The following SLC9C2 variants were observed in gnomAD, a reference collection of about 807,000 sequenced individuals.
The protein encoded by SLC9C2 is solute carrier family 9 member C2 (putative), also known as sodium/hydrogen exchanger 11.
SLC9C2 carries 75 observed loss-of-function variants against 140.2 expected under a neutral mutation model. The observed-to-expected ratio is 0.53, with a 90% CI of 0.44 to 0.65. The LOEUF is 0.65. Ranked by LOEUF, SLC9C2 falls within the 30% of genes least tolerant of loss-of-function variation. SLC9C2 has a pLI of 0.00. For missense variants in SLC9C2, 1,074 were observed against 1,331.8 expected (o/e 0.81, Z 3.01); for synonymous variants, 375 against 420.9 (o/e 0.89, Z 1.34).
intron 10 of SLC9C2, among the ~76,000 whole-genome samples, chr1:173,556,894 C>T (rs1006239889): frequency 6.7e-6 from 1 of 150,328 alleles, no homozygotes; most frequent in African/African-American, 2.5e-5. Context: ...CACCACTGCA[C>T]TCCAGCCTGG....
Position 173,597,983 on chromosome 1 carries a change from T to A in SLC9C2, c.278A>T (p.Tyr93Phe). The change falls in exon 4 of 28, where the codon TAT (tyrosine) becomes TTT (phenylalanine). Residue 93 changes from tyrosine to phenylalanine, a missense_variant. Physicochemically the swap from Tyr to Phe is conservative, Grantham distance 22. Coordinates refer to ENST00000367714, the MANE Select transcript of SLC9C2 (RefSeq NM_178527.4). ...TATAATTAAAGGTGAAAAGTAAGAA[T>A]AAAGTGAAAAACTTGATGTTCTTAG... ...PLLRTSSFSL[Y>F]SYFSPLIIFM... 6.3e-7 allele frequency: 1 copy of A among 1,598,586 alleles called. No homozygotes were observed. The highest frequency in any genetic ancestry group is 1.3e-5 in the African/African-American group (1 of 74,266).
chr1:173,557,602 A>T, intron 9 of SLC9C2, 94 bp from the exon 10 acceptor site: 1 of 1,225,426 alleles, frequency 8.2e-7, no homozygotes, highest in East Asian at 2.6e-5. Flanking sequence ...TTTAATATAA[A>T]AATTTTCGGG....
chr1:173,521,296 C>T lies in SLC9C2; in HGVS notation c.2739+5G>A. On this transcript the variant is annotated splice_donor_5th_base_variant and intron_variant, in intron 22 of 27. Transcript: ENST00000367714. ...AAAAAAAAAAAAAAATCAATAGTCC[C>T]TTACAATTGCCATTCCTGAAATAAT... 1 of 1,460,580 alleles carries T rather than the reference C, an allele frequency of 6.8e-7. No homozygotes were observed. The highest frequency in any genetic ancestry group is 9.2e-7 in the Non-Finnish European group (1 of 1,088,784). 90.5% of individuals were successfully genotyped at this position (1,460,580 alleles called of 1,614,324 possible).
intron 26 of SLC9C2, among the ~76,000 whole-genome samples, chr1:173,503,801 TAAAC>T (rs1659444761): frequency 6.6e-6 from 1 of 152,170 alleles, no homozygotes; most frequent in Non-Finnish European, 1.5e-5. Flanking sequence ...AAGTGACTCT[TAAAC>T]AAATTAAGAG....
intron 11 of SLC9C2, among the ~76,000 whole-genome samples, chr1:173,552,255 G>A (rs1308234942): frequency 6.6e-6 from 1 of 152,208 alleles, no homozygotes; most frequent in African/African-American, 2.4e-5. Flanking sequence ...ACATAAAAGT[G>A]CAAAGTGAAG....
rs370217958 is a variant in SLC9C2, at chr1:173,601,634, A to T, written c.127+16T>A. On this transcript the variant is annotated intron_variant, in intron 2 of 27. Transcript: ENST00000367714. ...ACAGGGCAGAGGAAAGATGAGTTTC[A>T]AAAACAACCACCTACCTCCCAAAAC... The T allele has an allele frequency of 1.4e-5, 22 of 1,611,736 alleles. No homozygotes were observed. The highest frequency in any genetic ancestry group is 1.6e-4 in the Middle Eastern group (1 of 6,076).
At chr1:173,597,857 G>A (rs1428525377) in intron 4 of SLC9C2, 47 bp downstream of exon 4, 6 of 1,511,034 alleles carry the variant, frequency 4.0e-6, no homozygotes, top group East Asian at 4.7e-5. Context: ...CTCTATCAAC[G>A]TGCATAAGCA....
intron 24 of SLC9C2, among the ~76,000 whole-genome samples, chr1:173,508,992 G>C (rs930853443): frequency 9.9e-5 from 15 of 152,196 alleles, no homozygotes; most frequent in African/African-American, 3.6e-4. Context: ...TGGTTCAGGG[G>C]GGGATCTACC....
chr1:173,552,843 C>G (rs965466549), intron 11 of SLC9C2, among the ~76,000 whole-genome samples: 2 of 152,176 alleles, frequency 1.3e-5, no homozygotes, highest in Admixed American at 6.5e-5. Context: ...GTCATTTTGA[C>G]TTTCAAGCCT....
chr1:173,522,823 C>T (rs2101953524), intron 21 of SLC9C2, among the ~76,000 whole-genome samples: 1 of 152,242 alleles, frequency 6.6e-6, no homozygotes, highest in Non-Finnish European at 1.5e-5. Flanking sequence ...GCACACTTGG[C>T]CTCGGGGCCT....
At chr1:173,508,475 C>G (rs1028059266) in intron 24 of SLC9C2, among the ~76,000 whole-genome samples, 1 of 151,958 alleles carries the variant, frequency 6.6e-6, no homozygotes, top group African/African-American at 2.4e-5. Flanking sequence ...TAATTCTCAC[C>G]CCTGAAGTTT....
At chr1:173,502,451 G>T (rs901307058) in intron 27 of SLC9C2, among the ~76,000 whole-genome samples, 10 of 152,032 alleles carry the variant, frequency 6.6e-5, no homozygotes, top group African/African-American at 2.2e-4. Flanking sequence ...AGTCCACCCA[G>T]CAGTCTGCTC....
chr1:173,533,144 C>T (rs144810628), intron 17 of SLC9C2, among the ~76,000 whole-genome samples: 63 of 152,220 alleles, frequency 4.1e-4, no homozygotes, highest in African/African-American at 1.3e-3. Flanking sequence ...ATGCAGATAC[C>T]TATTGAGAGG....
At chr1:173,559,252 A>G (rs1217521389) in intron 9 of SLC9C2, among the ~76,000 whole-genome samples, 1 of 152,224 alleles carries the variant, frequency 6.6e-6, no homozygotes, top group Non-Finnish European at 1.5e-5. Flanking sequence ...CCCTATAAAG[A>G]GCAGTTTCTC....
In SLC9C2 at chr1:173,601,424, C is replaced by A. The variant is rs1171880342; in HGVS notation, c.127+226G>T. Among the ~76,000 whole-genome samples the A allele has an allele frequency of 2.0e-5, 3 of 152,308 alleles. No homozygotes were observed. In the East Asian group the frequency reaches 5.8e-4, roughly 29 times the overall value. On this transcript the variant is annotated intron_variant, in intron 2 of 27. Coordinates refer to ENST00000367714, the MANE Select transcript of SLC9C2 (RefSeq NM_178527.4). ...GAGGGCTTCTTGAAGTTAAGTTATT[C>A]TTCTTACATGTCTACCACACTACCA... is the stretch of plus-strand genomic sequence containing the variant.
intron 22 of SLC9C2, among the ~76,000 whole-genome samples, chr1:173,518,588 G>A (rs1312570659): frequency 1.3e-5 from 2 of 152,046 alleles, no homozygotes; most frequent in African/African-American, 2.4e-5. Flanking sequence ...AAAGAACCGC[G>A]GTATCAGATT....
chr1:173,502,344 G>T (rs977272292), intron 27 of SLC9C2, among the ~76,000 whole-genome samples: 2 of 148,922 alleles, frequency 1.3e-5, no homozygotes, highest in African/African-American at 5.0e-5. Context: ...AAAGGCTAAA[G>T]GTCCTTGAAG....
chr1:173,588,645 T>C (rs752541371), intron 4 of SLC9C2, among the ~76,000 whole-genome samples: 14 of 152,358 alleles, frequency 9.2e-5, no homozygotes, highest in Admixed American at 4.6e-4. Flanking sequence ...ATTATTTATA[T>C]GTTACTAGAT....
At chr1:173,571,480 TCA>T (rs966905220) in intron 9 of SLC9C2, 4 of 152,232 alleles carry the variant, frequency 2.6e-5, no homozygotes, top group Non-Finnish European at 1.5e-5. Flanking sequence ...TATTCAAATG[TCA>T]CTTTCTCATT....
Sources: allele counts gnomAD v4.1 joint callset (sites outside exome capture counted in the v4.1 genomes callset), GRCh38; gene constraint gnomAD v4.1.1; transcripts MANE v1.5; gene names NCBI Gene and HGNC (gene_info 2026-07-23, HGNC 2026-07-21).